The following POLA1 variants were observed in gnomAD, a reference collection of about 807,000 sequenced individuals.
The protein encoded by POLA1 is DNA polymerase alpha 1, catalytic subunit.
In POLA1, 15 loss-of-function variants were observed where a neutral mutation model predicts 124.0. The ratio of observed to expected loss-of-function variants is 0.12; its 90% CI spans 0.08 to 0.19. The LOEUF (loss-of-function observed/expected upper bound fraction) is 0.19, where lower values mean the gene tolerates loss of function less well. POLA1 is among the 10% of genes least tolerant of loss of function. POLA1 has a pLI of 1.00. For missense variants in POLA1, 886 were observed against 1,103.4 expected, an observed-to-expected ratio of 0.80 and a Z score of 2.79; for synonymous variants, 408 against 389.4, an observed-to-expected ratio of 1.05 and a Z score of -0.56.
At chrX:24,723,019 T>C in intron 10 of POLA1, 136 bp from the exon 11 acceptor site, 1 of 483,954 alleles carries the variant, frequency 2.1e-6, no homozygotes, top group Non-Finnish European at 3.7e-6. Flanking sequence ...GAGTGGGAAA[T>C]GGATATATTT....
intron 32 of POLA1, among the ~76,000 whole-genome samples, chrX:24,833,846 T>C (rs770932574): frequency 8.9e-6 from 1 of 112,147 alleles, no homozygotes; most frequent in African/African-American, 3.2e-5. Flanking sequence ...ATCCCAACAC[T>C]TTGGGAGGCA....
At chrX:24,748,738 A>C in intron 25 of POLA1, 132 bp from the exon 26 acceptor site, 1 of 675,713 alleles carries the variant, frequency 1.5e-6, no homozygotes, top group Non-Finnish European at 2.2e-6. Context: ...GAATGGGTTG[A>C]GTATATTAAT....
chrX:24,820,470 A>G (rs2046069266), intron 30 of POLA1, among the ~76,000 whole-genome samples: 1 of 110,986 alleles, frequency 9.0e-6, no homozygotes, highest in Non-Finnish European at 1.9e-5. Context: ...CTTTATGCAT[A>G]CTGAGTTCCA....
At chrX:24,900,035 C>T (rs2047257591) in intron 35 of POLA1, among the ~76,000 whole-genome samples, 1 of 111,844 alleles carries the variant, frequency 8.9e-6, no homozygotes, top group South Asian at 3.7e-4. Flanking sequence ...TTATTCAGAG[C>T]TTATGCAAAG....
intron 35 of POLA1, among the ~76,000 whole-genome samples, chrX:24,912,535 T>TA (rs910135652): frequency 3.8e-4 from 41 of 109,319 alleles, no homozygotes; most frequent in African/African-American, 8.7e-4. Flanking sequence ...CAATCCAATT[T>TA]AAAAAAAAAC....
At chrX:24,722,514 A>G (rs971472272) in intron 10 of POLA1, among the ~76,000 whole-genome samples, 3 of 112,454 alleles carry the variant, frequency 2.7e-5, no homozygotes, top group South Asian at 7.3e-4. Context: ...ATTATATGGA[A>G]TAAGAAATAA....
chrX:24,940,882 A>G (rs2047902564), intron 36 of POLA1, among the ~76,000 whole-genome samples: 1 of 112,022 alleles, frequency 8.9e-6, no homozygotes, highest in East Asian at 2.8e-4. Context: ...TGCCAGTCCC[A>G]TTTGCTTCAG....
intron 4 of POLA1, among the ~76,000 whole-genome samples, chrX:24,708,955 G>T (rs1929033785): frequency 1.4e-5 from 1 of 73,570 alleles, no homozygotes; most frequent in African/African-American, 4.6e-5. Flanking sequence ...CTTCCCAGTA[G>T]GGGCGGCCGG....
intron 35 of POLA1, among the ~76,000 whole-genome samples, chrX:24,919,808 GTTTTTTTTTTTGT>G (rs1445394621): frequency 4.9e-5 from 1 of 20,274 alleles, no homozygotes; most frequent in African/African-American, 2.1e-4. Context: ...TTTTTTTTTT[GTTTTTTTTTTTGT>G]TTTTTTTTTT....
At chrX:24,973,909 T>C (rs1483411475) in intron 36 of POLA1, among the ~76,000 whole-genome samples, 1 of 111,520 alleles carries the variant, frequency 9.0e-6, no homozygotes, top group African/African-American at 3.3e-5. Context: ...ATGTCGTGAA[T>C]TTAGTATTTG....
intron 26 of POLA1, among the ~76,000 whole-genome samples, chrX:24,776,473 G>A (rs2045142041): frequency 8.9e-6 from 1 of 112,066 alleles, no homozygotes; most frequent in East Asian, 2.8e-4. Context: ...TGAAAAGACA[G>A]TAGTTTGTGC....
rs746790552 is a variant in POLA1, at chrX:24,985,653, C to G, written c.4262-10152C>G. ...TGGAAATCTGAAGTGCTCCAAAATC[C>G]AAGACTTTTTGAGCACCAGCATGAC... On this transcript the variant is annotated intron_variant, in intron 36 of 36. Transcript: ENST00000379068. 7.1e-5 allele frequency among the ~76,000 whole-genome samples: 8 copies of G among 112,212 alleles called. No homozygotes were observed. In the East Asian group the frequency reaches 2.2e-3, roughly 31 times the overall value.
intron 34 of POLA1, among the ~76,000 whole-genome samples, chrX:24,861,670 AC>A (rs2046717598): frequency 8.9e-6 from 1 of 112,423 alleles, no homozygotes; most frequent in African/African-American, 3.2e-5. Context: ...TTTTGGTAAT[AC>A]TAAGAGAATC....
chrX:24,878,832 A>G (rs2046968163), intron 34 of POLA1, among the ~76,000 whole-genome samples: 2 of 110,759 alleles, frequency 1.8e-5, no homozygotes, highest in Admixed American at 1.9e-4. Context: ...CTTGGCAGCA[A>G]GCATACACAT....
chrX:24,976,622 G>C (rs2048366118), intron 36 of POLA1, among the ~76,000 whole-genome samples: 1 of 112,368 alleles, frequency 8.9e-6, no homozygotes, highest in African/African-American at 3.2e-5. Flanking sequence ...GACAATGATT[G>C]CTTCTAAGAA....
At chrX:24,836,382 A>G (rs2046341369) in intron 32 of POLA1, among the ~76,000 whole-genome samples, 1 of 111,791 alleles carries the variant, frequency 8.9e-6, no homozygotes, top group East Asian at 2.8e-4. Flanking sequence ...GGGATGTACT[A>G]AGGAGAATTG....
At chrX:24,698,685 C>G (rs748888416) in intron 1 of POLA1, among the ~76,000 whole-genome samples, 3 of 111,057 alleles carry the variant, frequency 2.7e-5, no homozygotes, top group African/African-American at 9.8e-5. Context: ...TGGAGTTTCT[C>G]TCTTTTTGCC....
chrX:24,901,919 AGTT>A (rs1382369855), intron 35 of POLA1, among the ~76,000 whole-genome samples: 1 of 111,671 alleles, frequency 9.0e-6, no homozygotes, highest in African/African-American at 3.3e-5. Context: ...GAAAAAAATG[AGTT>A]GTGTTTGACT....
At chrX:24,726,827 C>A (rs1930568412) in intron 13 of POLA1, 106 bp from the exon 14 acceptor site, 3 of 551,254 alleles carry the variant, frequency 5.4e-6, no homozygotes, top group Non-Finnish European at 8.4e-6. Flanking sequence ...AAGGGGTTTT[C>A]TTCTGTGCTT....
Sources: gnomAD v4.1 joint callset for allele counts (sites outside exome capture counted in the v4.1 genomes callset) on GRCh38, gnomAD v4.1.1 for gene constraint, MANE v1.5 for transcripts, NCBI Gene and HGNC (gene_info 2026-07-23, HGNC 2026-07-21) for gene names.